CPED1: variants seen among roughly 807,000 people sequenced by gnomAD.
CPED1 encodes cadherin like and PC-esterase domain containing 1, also known as cadherin-like and PC-esterase domain-containing protein 1.
CPED1 carries 114 observed loss-of-function variants against 128.2 expected under a neutral mutation model. The observed-to-expected ratio is 0.89, with a 90% CI of 0.76 to 1.04. The LOEUF (loss-of-function observed/expected upper bound fraction) is 1.04, where lower values mean the gene tolerates loss of function less well. Ranked by LOEUF, CPED1 falls within the 50% of genes least tolerant of loss-of-function variation. The pLI, the probability that CPED1 is intolerant of heterozygous loss-of-function variation, is 0.00. For missense variants in CPED1, 1,211 were observed against 1,207.1 expected (o/e 1.00, Z -0.05); for synonymous variants, 462 against 426.7 (o/e 1.08, Z -1.02).
At position 121,015,823 on chromosome 7, in the gene CPED1, C is replaced by T. The variant is rs201354422; in HGVS notation, c.408C>T (p.Gly136=). The change falls in exon 3 of 23, where the codon GGC becomes GGT. Residue 136 remains glycine (G), a synonymous_variant. Transcript: ENST00000310396. ...VVIAEERLNA[G]LGPGLLEQGD... ...TCGCTGAAGAAAGGCTCAATGCTGG[C>T]CTAGGGCCGGGGCTACTAGAACAAG... The T allele has an allele frequency of 1.1e-5, 18 of 1,575,488 alleles. No individual in the cohort carries two copies. In the East Asian group the frequency reaches 1.6e-4, roughly 14 times the overall value.
intron 16 of CPED1, among the ~76,000 whole-genome samples, chr7:121,156,141 A>G (rs1796278093): frequency 6.6e-6 from 1 of 152,230 alleles, no homozygotes; most frequent in South Asian, 2.1e-4. Flanking sequence ...TCACAATGGC[A>G]TATTATCTTA....
intron 6 of CPED1, among the ~76,000 whole-genome samples, chr7:121,098,747 A>T (rs1974658): frequency 0.062 from 569 of 9,162 alleles, 22 homozygotes; most frequent in East Asian, 0.51. Flanking sequence ...TATATATAAA[A>T]ATATATAAAA....
intron 16 of CPED1, among the ~76,000 whole-genome samples, chr7:121,228,825 G>T (rs916463869): frequency 1.3e-5 from 2 of 151,982 alleles, no homozygotes; most frequent in Non-Finnish European, 2.9e-5. Context: ...TACTTTATTT[G>T]TAGCAACATC....
chr7:121,259,442 T>C (rs1791961718), intron 18 of CPED1, among the ~76,000 whole-genome samples: 1 of 152,074 alleles, frequency 6.6e-6, no homozygotes, highest in Admixed American at 6.6e-5. Context: ...TTTATAGATT[T>C]ATTTCACTTA....
intron 16 of CPED1, among the ~76,000 whole-genome samples, chr7:121,199,860 A>T (rs1455764537): frequency 4.6e-5 from 7 of 152,122 alleles, no homozygotes; most frequent in Non-Finnish European, 2.9e-5. Flanking sequence ...AAGTTAATTT[A>T]AAAAATATGT....
intron 14 of CPED1, among the ~76,000 whole-genome samples, chr7:121,139,641 A>T (rs1010626452): frequency 6.6e-6 from 1 of 152,106 alleles, no homozygotes; most frequent in Non-Finnish European, 1.5e-5. Context: ...TGTTTGCCTT[A>T]TTGGGAGCTT....
At chr7:121,186,693 C>G (rs901322584) in intron 16 of CPED1, among the ~76,000 whole-genome samples, 2 of 152,052 alleles carry the variant, frequency 1.3e-5, no homozygotes, top group Admixed American at 6.6e-5. Context: ...ATATTTTTAT[C>G]TTAAAATTAT....
chr7:121,197,824 A>T (rs894132091), intron 16 of CPED1, among the ~76,000 whole-genome samples: 1 of 152,126 alleles, frequency 6.6e-6, no homozygotes, highest in Non-Finnish European at 1.5e-5. Context: ...GCAGCACAAG[A>T]GTAGCAAAGC....
chr7:121,182,019 G>A (rs769125556), intron 16 of CPED1, among the ~76,000 whole-genome samples: 14 of 152,124 alleles, frequency 9.2e-5, no homozygotes, highest in South Asian at 4.1e-4. Context: ...GGGGACATTT[G>A]TGTCTATATC....
intron 16 of CPED1, among the ~76,000 whole-genome samples, chr7:121,177,722 A>T (rs1202023231): frequency 6.6e-6 from 1 of 152,002 alleles, no homozygotes; most frequent in African/African-American, 2.4e-5. Context: ...GTGGTCTTTA[A>T]GTTCTGCTAC....
intron 3 of CPED1, among the ~76,000 whole-genome samples, chr7:121,018,551 C>A (rs768353575): frequency 6.6e-6 from 1 of 152,038 alleles, no homozygotes; most frequent in Non-Finnish European, 1.5e-5. Flanking sequence ...AAAAACAAAA[C>A]AGATACTCTC....
At chr7:121,281,184 C>A (rs1020114352) in intron 22 of CPED1, among the ~76,000 whole-genome samples, 4 of 152,184 alleles carry the variant, frequency 2.6e-5, no homozygotes, top group Admixed American at 2.0e-4. Flanking sequence ...TGTTTGTAAT[C>A]TGCCTGACAC....
At chr7:121,067,308 C>A (rs1352782974) in intron 5 of CPED1, among the ~76,000 whole-genome samples, 2 of 151,934 alleles carry the variant, frequency 1.3e-5, no homozygotes, top group Admixed American at 1.3e-4. Context: ...TGTTCCCCTT[C>A]CTGTGTCCAT....
At chr7:121,265,524 A>G (rs1350817714) in intron 18 of CPED1, among the ~76,000 whole-genome samples, 1 of 152,146 alleles carries the variant, frequency 6.6e-6, no homozygotes, top group Admixed American at 6.6e-5. Flanking sequence ...TGAGATAGCC[A>G]GAACTAGACA....
At chr7:121,193,282 C>A (rs972734079) in intron 16 of CPED1, among the ~76,000 whole-genome samples, 1 of 151,858 alleles carries the variant, frequency 6.6e-6, no homozygotes, top group Admixed American at 6.6e-5. Context: ...GAGAAGAAAC[C>A]AAAAGTGAAA....
Position 121,130,239 on chromosome 7 carries a change from G to A in CPED1, c.1522G>A (p.Val508Ile), listed in dbSNP as rs777781216. The A allele has an allele frequency of 6.2e-7, 1 of 1,610,718 alleles. No homozygotes were observed. Among genetic ancestry groups the A allele is most frequent in the Non-Finnish European group, 8.5e-7 (1 of 1,178,568 alleles). Residue 508 changes from valine to isoleucine, a missense_variant, in exon 12 of 23, where the codon GTA becomes ATA. Coordinates refer to ENST00000310396, the MANE Select transcript of CPED1 (RefSeq NM_024913.5). ...VLTQYWSLLN[V>I]FEQFQFMNKK... ...GACCCAATACTGGTCTCTTTTAAAT[G>A]TATTTGAACAATTTCAGTTCATGAA... is the stretch of plus-strand genomic sequence containing the variant.
chr7:121,211,322 C>A (rs760261295), intron 16 of CPED1, among the ~76,000 whole-genome samples: 72 of 152,100 alleles, frequency 4.7e-4, no homozygotes, highest in Non-Finnish European at 9.3e-4. Flanking sequence ...GGCAGAGGGA[C>A]TCACTGGGAA....
chr7:121,217,241 C>A (rs1797778887), intron 16 of CPED1, among the ~76,000 whole-genome samples: 1 of 151,846 alleles, frequency 6.6e-6, no homozygotes, highest in African/African-American at 2.4e-5. Context: ...TTTTTGCCTC[C>A]TCCTTTCCAC....
At position 121,275,512 on chromosome 7, in the gene CPED1, A is replaced by G. The variant is rs746772635; in HGVS notation, c.2868+4082A>G. Among the ~76,000 whole-genome samples the G allele has an allele frequency of 3.4e-4, 52 of 152,166 alleles. 1 individual carries two copies. Among genetic ancestry groups the G allele is most frequent in the Non-Finnish European group, 1.0e-4 (7 of 68,018 alleles). On this transcript the variant is annotated intron_variant, in intron 22 of 22. Coordinates refer to ENST00000310396, the MANE Select transcript of CPED1 (RefSeq NM_024913.5). ...GCTAAAACCTGGAAAGAATACAATA[A>G]TGTTATCAACACAAACCTGGCTGCA... is the stretch of plus-strand genomic sequence containing the variant.
Sources: gnomAD v4.1 joint callset for allele counts (sites outside exome capture counted in the v4.1 genomes callset) on GRCh38, gnomAD v4.1.1 for gene constraint, MANE v1.5 for transcripts, NCBI Gene and HGNC (gene_info 2026-07-23, HGNC 2026-07-21) for gene names.